The following SPTLC1 variants were observed in gnomAD, a reference collection of about 807,000 sequenced individuals.
The protein encoded by SPTLC1 is serine palmitoyltransferase long chain base subunit 1.
SPTLC1 carries 55 observed loss-of-function variants against 68.9 expected under a neutral mutation model. The ratio of observed to expected loss-of-function variants is 0.80; its 90% confidence interval spans 0.64 to 1.00. The LOEUF (loss-of-function observed/expected upper bound fraction) is 1.00, where lower values mean the gene tolerates loss of function less well. SPTLC1 is among the 50% of genes least tolerant of loss of function. The probability of loss-of-function intolerance (pLI) is 0.00; values close to 1 mark genes in which losing one functional copy is unlikely to be tolerated. For missense variants in SPTLC1, 449 were observed against 573.1 expected, an observed-to-expected ratio of 0.78 and a Z score of 2.21; for synonymous variants, 197 against 201.6, an observed-to-expected ratio of 0.98 and a Z score of 0.19.
At position 92,072,550 on chromosome 9, in the gene SPTLC1, C is replaced by T. The variant is rs1834533594; in HGVS notation, c.428-4452G>A. 2.0e-5 allele frequency among the ~76,000 whole-genome samples: 3 copies of T among 152,076 alleles called. No individual in the cohort carries two copies. The South Asian group carries it at 6.2e-4, about 32-fold the overall frequency. On this transcript the variant is annotated intron_variant, in intron 5 of 14. Transcript: ENST00000262554. ...GTCTCTTTCTTTCCCCTCAAACTTT[C>T]CCAGTTCTAACATGGGCAACCTCCC...
In SPTLC1 at chr9:92,032,307, T is replaced by C; in HGVS notation, c.*158A>G. On this transcript the variant is annotated 3_prime_UTR_variant, in exon 15 of 15. Coordinates refer to ENST00000262554, the MANE Select transcript of SPTLC1 (RefSeq NM_006415.4). ...TTTTTAAAAAAAATAAGCATCCTTCTCATGGTCACACAATTGGTCCATACT... is the reference window on the plus strand; with the variant it reads ...TTTTTAAAAAAAATAAGCATCCTTCCCATGGTCACACAATTGGTCCATACT... 1 of 1,541,312 alleles carries C rather than the reference T, an allele frequency of 6.5e-7. No individual in the cohort carries two copies.
chr9:92,108,204 G>A (rs1836077183), intron 3 of SPTLC1: 1 of 158,592 alleles, frequency 6.3e-6, no homozygotes, highest in Non-Finnish European at 1.4e-5. Context: ...CTTAATTAAT[G>A]AAAATACATA....
At chr9:92,110,198 AC>A (rs1200101357) in intron 2 of SPTLC1, 1 of 152,152 alleles carries the variant, frequency 6.6e-6, no homozygotes, top group Non-Finnish European at 1.5e-5. Context: ...AATAACTGAC[AC>A]TTTATTAACT....
At chr9:92,065,266 T>A (rs941594375) in intron 6 of SPTLC1, among the ~76,000 whole-genome samples, 1 of 152,236 alleles carries the variant, frequency 6.6e-6, no homozygotes, top group South Asian at 2.1e-4. Flanking sequence ...AGCCCCACTA[T>A]TGGCAAAGCA....
chr9:92,077,771 T>G (rs1211253495), intron 5 of SPTLC1, among the ~76,000 whole-genome samples: 1 of 152,154 alleles, frequency 6.6e-6, no homozygotes, highest in African/African-American at 2.4e-5. Context: ...TCTCGTGGTG[T>G]CACCCTCAAG....
At chr9:92,062,538 G>A (rs1834143405) in intron 6 of SPTLC1, among the ~76,000 whole-genome samples, 1 of 152,070 alleles carries the variant, frequency 6.6e-6, no homozygotes, top group South Asian at 2.1e-4. Flanking sequence ...AACAGCAGCA[G>A]AATACACATT....
chr9:92,051,196 T>G (rs1833693308), intron 8 of SPTLC1: 29 of 981,438 alleles, frequency 3.0e-5, no homozygotes, highest in Non-Finnish European at 3.4e-5. Flanking sequence ...TATATTTAGA[T>G]TTCCTCAGAA....
chr9:92,088,944 G>C (rs1380656259), intron 3 of SPTLC1, among the ~76,000 whole-genome samples: 3 of 152,184 alleles, frequency 2.0e-5, no homozygotes, highest in Admixed American at 6.5e-5. Context: ...AGACCTGAGA[G>C]GACTCAAAAG....
chr9:92,068,184 A>G, intron 5 of SPTLC1, 86 bp from the exon 6 acceptor site: 1 of 1,317,114 alleles, frequency 7.6e-7, no homozygotes. Flanking sequence ...CACAAGCAGT[A>G]TAATTATCAA....
At chr9:92,114,645 G>T (rs1836370985) in intron 1 of SPTLC1, among the ~76,000 whole-genome samples, 1 of 151,692 alleles carries the variant, frequency 6.6e-6, no homozygotes. Flanking sequence ...TGAGGCAGGA[G>T]AATCGCTTAA....
intron 5 of SPTLC1, among the ~76,000 whole-genome samples, chr9:92,071,015 G>C (rs1223097612): frequency 1.3e-5 from 2 of 151,726 alleles, no homozygotes; most frequent in Non-Finnish European, 2.9e-5. Flanking sequence ...TAAAATAGCT[G>C]ACTTTAGGAC....
chr9:92,055,569 C>A (rs1306115895), intron 7 of SPTLC1, 75 bp from the exon 8 acceptor site: 12 of 1,393,138 alleles, frequency 8.6e-6, no homozygotes, highest in Non-Finnish European at 1.2e-5. Context: ...TTCCCCAGCA[C>A]TTTCACCTTA....
chr9:92,086,265 G>A (rs1178056445), intron 3 of SPTLC1, among the ~76,000 whole-genome samples: 1 of 151,356 alleles, frequency 6.6e-6, no homozygotes, highest in Non-Finnish European at 1.5e-5. Flanking sequence ...ATTGTTATGT[G>A]TGAATTTGAT....
At chr9:92,050,911 CAA>C in intron 8 of SPTLC1, 13 of 850,656 alleles carry the variant, frequency 1.5e-5, no homozygotes, top group Non-Finnish European at 1.8e-5. Flanking sequence ...CTCCTGGGCT[CAA>C]GTGATTCTCC....
intron 5 of SPTLC1, among the ~76,000 whole-genome samples, chr9:92,073,616 C>T (rs58568402): frequency 3.4e-4 from 52 of 151,532 alleles, no homozygotes; most frequent in African/African-American, 1.1e-3. Context: ...GACAGAAGGC[C>T]GCCTTATTCT....
At chr9:92,041,468 GAT>G (rs1344467060) in intron 12 of SPTLC1, among the ~76,000 whole-genome samples, 1 of 151,826 alleles carries the variant, frequency 6.6e-6, no homozygotes, top group Non-Finnish European at 1.5e-5. Context: ...AAATAATATA[GAT>G]ATATGAGAGA....
At chr9:92,080,521 C>T (rs1587954175) in intron 4 of SPTLC1, among the ~76,000 whole-genome samples, 1 of 152,178 alleles carries the variant, frequency 6.6e-6, no homozygotes, top group Non-Finnish European at 1.5e-5. Flanking sequence ...ACTTGCATAG[C>T]GCTTTCCAAT....
chr9:92,089,605 C>T (rs535686049), intron 3 of SPTLC1, among the ~76,000 whole-genome samples: 224 of 152,050 alleles, frequency 1.5e-3, no homozygotes, highest in African/African-American at 5.1e-3. Flanking sequence ...ACATACTGAA[C>T]GTAGAGGATA....
At chr9:92,060,075 A>G (rs1008231128) in intron 6 of SPTLC1, among the ~76,000 whole-genome samples, 3 of 152,166 alleles carry the variant, frequency 2.0e-5, no homozygotes, top group Non-Finnish European at 4.4e-5. Flanking sequence ...AGTCAGGACT[A>G]TTAGCATCAC....
Sources: allele counts gnomAD v4.1 joint callset (sites outside exome capture counted in the v4.1 genomes callset), GRCh38; gene constraint gnomAD v4.1.1; transcripts MANE v1.5; gene names NCBI Gene and HGNC (gene_info 2026-07-23, HGNC 2026-07-21).